SLCO4C1: variants seen among roughly 807,000 people sequenced by gnomAD.
SLCO4C1 encodes solute carrier organic anion transporter family member 4C1, also known as organic anion transporter M1.
A neutral mutation model predicts 72.1 loss-of-function variants in SLCO4C1; 58 were observed. The ratio of observed to expected loss-of-function variants is 0.80; its 90% CI spans 0.65 to 1.00. SLCO4C1 has a LOEUF of 1.00. SLCO4C1 is among the 50% of genes least tolerant of loss of function. The pLI, the probability that SLCO4C1 is intolerant of heterozygous loss-of-function variation, is 0.00. For synonymous variants in SLCO4C1, 297 were observed against 312.5 expected (o/e 0.95, Z 0.52); for missense variants, 898 against 857.9 (o/e 1.05, Z -0.58).
chr5:102,246,545 T>C (rs972237408), intron 10 of SLCO4C1, among the ~76,000 whole-genome samples: 2 of 152,074 alleles, frequency 1.3e-5, no homozygotes, highest in African/African-American at 4.8e-5. Context: ...ACCTAATGGC[T>C]TCAGTGCAGA....
Position 102,296,167 on chromosome 5 carries a change from G to T in SLCO4C1, c.96C>A (p.Val32=). ...RLSASPSQIE[V]SALSSDPQRE... ...TTTGGGGGTCAGAGGACAAGGCAGA[G>T]ACTTCGATTTGGGAGGGCGACGCAG... The change falls in exon 1 of 13, where the codon GTC becomes GTA. Residue 32 remains valine, a synonymous_variant. Transcript: ENST00000310954. 6.2e-7 allele frequency: 1 copy of T among 1,610,882 alleles called. No individual in the cohort carries two copies. The highest frequency in any genetic ancestry group is 8.5e-7 in the Non-Finnish European group (1 of 1,178,134).
At position 102,236,974 on chromosome 5, in the gene SLCO4C1, T is replaced by A. The variant is rs1285336459; in HGVS notation, c.2059A>T (p.Ile687Phe). 6.2e-7 allele frequency: 1 copy of A among 1,611,412 alleles called. No individual in the cohort carries two copies. Among genetic ancestry groups the A allele is most frequent in the Admixed American group, 1.7e-5 (1 of 59,730 alleles). Residue 687 changes from isoleucine (I) to phenylalanine (F), a missense_variant, in exon 13 of 13, where the codon ATC (isoleucine) becomes TTC (phenylalanine). Ile to Phe is a conservative substitution (Grantham distance 21). Coordinates refer to ENST00000310954, the MANE Select transcript of SLCO4C1 (RefSeq NM_180991.5). The stretch of plus-strand genomic sequence containing the variant: ...GATGGAGGTGGTTTATACAAAAAGA[T>A]TGCAAATCCATTGAAGAACATGGTG... ...VITMFFNGFA[I>F]FLYKPPPSAT...
intron 8 of SLCO4C1, 138 bp downstream of exon 8, chr5:102,256,977 C>T: frequency 3.4e-6 from 2 of 583,796 alleles, no homozygotes; most frequent in Non-Finnish European, 5.4e-6. Context: ...AAAAACAAAA[C>T]CACATGTTCT....
intron 1 of SLCO4C1, among the ~76,000 whole-genome samples, chr5:102,295,479 G>GT (rs1749632108): frequency 6.6e-6 from 1 of 152,052 alleles, no homozygotes. Flanking sequence ...ACCTGCAAAC[G>GT]TATTACTCCT....
At chr5:102,285,252 C>A (rs865800792) in intron 2 of SLCO4C1, among the ~76,000 whole-genome samples, 57 of 144,580 alleles carry the variant, frequency 3.9e-4, no homozygotes, top group African/African-American at 1.5e-3. Flanking sequence ...TATATACACA[C>A]ATATATACAC....
chr5:102,242,543 G>C (rs1383305142), intron 10 of SLCO4C1, among the ~76,000 whole-genome samples: 4 of 152,142 alleles, frequency 2.6e-5, no homozygotes, highest in Non-Finnish European at 4.4e-5. Flanking sequence ...AGAGTTGTGA[G>C]GCCCTCCCAT....
chr5:102,246,461 A>G (rs1180183448), intron 10 of SLCO4C1, among the ~76,000 whole-genome samples: 1 of 152,124 alleles, frequency 6.6e-6, no homozygotes, highest in Non-Finnish European at 1.5e-5. Flanking sequence ...AAAAATCCAA[A>G]GCCTGAACAG....
intron 9 of SLCO4C1, 149 bp downstream of exon 9, chr5:102,249,489 A>G: frequency 5.5e-6 from 4 of 733,672 alleles, no homozygotes; most frequent in Non-Finnish European, 8.9e-6. Flanking sequence ...AGGAAAAAGA[A>G]TCTATTTCAG....
At chr5:102,286,921 T>C (rs1315987156) in intron 2 of SLCO4C1, among the ~76,000 whole-genome samples, 1 of 152,152 alleles carries the variant, frequency 6.6e-6, no homozygotes. Flanking sequence ...TTTTTCTACT[T>C]ACTAGCTATA....
intron 10 of SLCO4C1, among the ~76,000 whole-genome samples, chr5:102,243,926 T>C (rs1748591740): frequency 6.6e-6 from 1 of 152,176 alleles, no homozygotes; most frequent in Non-Finnish European, 1.5e-5. Flanking sequence ...GGTTCACACC[T>C]GCAATTCCCA....
chr5:102,240,734 C>T lies in SLCO4C1; in HGVS notation c.1860G>A (p.Met620Ile). The T allele has an allele frequency of 6.2e-7, 1 of 1,611,552 alleles. No homozygotes were observed. The highest frequency in any genetic ancestry group is 1.7e-5 in the Admixed American group (1 of 59,862). Residue 620 changes from methionine (M) to isoleucine (I), a missense_variant, in exon 11 of 13, where the codon ATG becomes ATA. By Grantham distance (10) the Met-to-Ile change is conservative. Transcript: ENST00000310954. ...ATGGCATACCTAATAATCGAAGGACCATAAATTGTATTCCCAAGGCTAGGG... is the reference window on the plus strand; with the variant it reads ...ATGGCATACCTAATAATCGAAGGACTATAAATTGTATTCCCAAGGCTAGGG... ...QRSLALGIQFMVLRLLGTIPG... is the reference protein window; with the variant it reads ...QRSLALGIQFIVLRLLGTIPG...
At chr5:102,282,639 A>T (rs1160439283) in intron 2 of SLCO4C1, among the ~76,000 whole-genome samples, 1 of 152,068 alleles carries the variant, frequency 6.6e-6, no homozygotes, top group Non-Finnish European at 1.5e-5. Context: ...AAAAGAAGTC[A>T]ACGTTCCTAG....
chr5:102,283,934 A>G (rs1394622721), intron 2 of SLCO4C1, among the ~76,000 whole-genome samples: 1 of 152,160 alleles, frequency 6.6e-6, no homozygotes, highest in Non-Finnish European at 1.5e-5. Flanking sequence ...TCATTAAGAC[A>G]AAAACCAAAA....
chr5:102,256,443 T>G (rs892216201), intron 8 of SLCO4C1, among the ~76,000 whole-genome samples: 6 of 152,172 alleles, frequency 3.9e-5, no homozygotes, highest in Non-Finnish European at 7.4e-5. Context: ...CTCAAACACA[T>G]GTAATGAAAC....
intron 2 of SLCO4C1, among the ~76,000 whole-genome samples, chr5:102,287,710 A>G (rs1022159317): frequency 2.0e-5 from 3 of 151,180 alleles, no homozygotes; most frequent in Non-Finnish European, 4.4e-5. Context: ...ACACATGGCT[A>G]ATTTTTTTTT....
rs1251166231 is a variant in SLCO4C1, at chr5:102,236,333, AATTCATAGGCTTTC to A, written c.*511_*524del. On this transcript the variant is annotated 3_prime_UTR_variant, in exon 13 of 13. Transcript: ENST00000310954. The stretch of plus-strand genomic sequence containing the variant: ...AAATTACATGGTAAACCTGGTTTTA[AATTCATAGGCTTTC>A]AATAATAATTCCCGGAAATCATCAC... The A allele has an allele frequency of 6.6e-6, 1 of 152,564 alleles. No homozygotes were observed. Among genetic ancestry groups the A allele is most frequent in the Admixed American group, 6.5e-5 (1 of 15,278 alleles). The allele number at this position is 152,564 out of a possible 1,614,324, so 9.5% of individuals were successfully genotyped here.
chr5:102,261,725 AC>A (rs1748947626), intron 5 of SLCO4C1, among the ~76,000 whole-genome samples, 186 bp downstream of exon 5: 1 of 152,170 alleles, frequency 6.6e-6, no homozygotes, highest in South Asian at 2.1e-4. Context: ...AATTAAAAAA[AC>A]ATGAATATTA....
At chr5:102,248,141 G>T (rs1199486614) in intron 9 of SLCO4C1, among the ~76,000 whole-genome samples, 1 of 152,038 alleles carries the variant, frequency 6.6e-6, no homozygotes, top group Non-Finnish European at 1.5e-5. Flanking sequence ...TCATTTGCCT[G>T]CAATATAGCA....
chr5:102,259,662 C>T (rs1018322426), intron 6 of SLCO4C1, among the ~76,000 whole-genome samples: 3 of 152,096 alleles, frequency 2.0e-5, no homozygotes, highest in African/African-American at 7.2e-5. Context: ...TGGACCATAA[C>T]ACTTTTGTTC....
Sources: allele counts gnomAD v4.1 joint callset (sites outside exome capture counted in the v4.1 genomes callset), GRCh38; gene constraint gnomAD v4.1.1; transcripts MANE v1.5; gene names NCBI Gene and HGNC (gene_info 2026-07-23, HGNC 2026-07-21).